Variants in CNTNAP5 observed in about 807,000 individuals in gnomAD.
CNTNAP5 encodes the protein contactin-associated protein-like 5.
Under a neutral mutation model 150.2 loss-of-function variants are expected in CNTNAP5, and 72 were observed. The ratio of observed to expected loss-of-function variants is 0.48; its 90% confidence interval spans 0.40 to 0.58. The LOEUF (loss-of-function observed/expected upper bound fraction) is 0.58, where lower values mean the gene tolerates loss of function less well. Among genes scored for constraint, CNTNAP5 ranks in the 20% least tolerant of loss-of-function variants. The pLI is 0.00. For missense variants in CNTNAP5, 1,636 were observed against 1,626.2 expected (o/e 1.01, Z -0.10); for synonymous variants, 672 against 619.8 (o/e 1.08, Z -1.25).
At chr2:124,789,852 A>T (rs754339354) in intron 17 of CNTNAP5, 50 bp from the exon 18 acceptor site, 3 of 1,574,282 alleles carry the variant, frequency 1.9e-6, no homozygotes, top group Non-Finnish European at 2.6e-6. Context: ...ACCTAAATGT[A>T]TTGAGCCCTA....
chr2:124,877,577 A>G (rs1054211207), intron 21 of CNTNAP5, among the ~76,000 whole-genome samples: 2 of 152,128 alleles, frequency 1.3e-5, no homozygotes, highest in Admixed American at 1.3e-4. Context: ...GAGCATTACT[A>G]TGGCCACACA....
At chr2:124,800,631 A>G (rs906950691) in intron 19 of CNTNAP5, among the ~76,000 whole-genome samples, 1 of 152,194 alleles carries the variant, frequency 6.6e-6, no homozygotes, top group Non-Finnish European at 1.5e-5. Flanking sequence ...AATAATGTGA[A>G]TCTATTTCAT....
intron 1 of CNTNAP5, among the ~76,000 whole-genome samples, chr2:124,100,373 C>A (rs1466613660): frequency 6.6e-6 from 1 of 152,158 alleles, no homozygotes; most frequent in Non-Finnish European, 1.5e-5. Context: ...GACAAATATA[C>A]AAACTATATC....
At position 124,524,396 on chromosome 2, in the gene CNTNAP5, C is replaced by T. The variant is rs528479875; in HGVS notation, c.1421C>T (p.Pro474Leu). The T allele has an allele frequency of 1.4e-5, 22 of 1,613,742 alleles. No homozygotes were observed. The highest frequency in any genetic ancestry group is 8.0e-5 in the African/African-American group (6 of 75,038). ...TLTLDDEAAP[P>L]APDSTWVQIY... is the part of the protein sequence containing the mutation. ...ACTCTGGATGATGAAGCAGCACCCC[C>T]GGCTCCAGACAGCACTTGGGTGCAG... The change falls in exon 9 of 24, where the codon CCG becomes CTG. Residue 474 changes from proline to leucine, a missense_variant. Physicochemically the swap from Pro to Leu is moderately conservative, Grantham distance 98. Transcript: ENST00000682447.
intron 13 of CNTNAP5, among the ~76,000 whole-genome samples, chr2:124,724,470 G>A (rs1005354999): frequency 6.6e-6 from 1 of 152,064 alleles, no homozygotes; most frequent in Non-Finnish European, 1.5e-5. Flanking sequence ...GCCCATAGAA[G>A]ATACCAAGTT....
At chr2:124,069,879 G>C (rs187082148) in intron 1 of CNTNAP5, among the ~76,000 whole-genome samples, 52 of 152,264 alleles carry the variant, frequency 3.4e-4, no homozygotes, top group Non-Finnish European at 4.0e-4. Context: ...TAAGCGCACA[G>C]AGAAACACAG....
chr2:124,425,047 A>C (rs1186715249), intron 4 of CNTNAP5, among the ~76,000 whole-genome samples: 8 of 152,346 alleles, frequency 5.3e-5, no homozygotes, highest in African/African-American at 1.9e-4. Context: ...TAGTTGGATC[A>C]ACCACTTTAT....
At chr2:124,499,149 TG>T (rs1694218801) in intron 7 of CNTNAP5, among the ~76,000 whole-genome samples, 1 of 152,090 alleles carries the variant, frequency 6.6e-6, no homozygotes, top group African/African-American at 2.4e-5. Flanking sequence ...GAGAAAGGCA[TG>T]TTTTTTTTTC....
intron 11 of CNTNAP5, among the ~76,000 whole-genome samples, chr2:124,579,306 A>G (rs1356507474): frequency 6.6e-6 from 1 of 152,208 alleles, no homozygotes; most frequent in East Asian, 1.9e-4. Context: ...TGGTTACACA[A>G]AATATTTTAT....
chr2:124,539,234 A>G (rs1052303538), intron 10 of CNTNAP5, among the ~76,000 whole-genome samples: 27 of 152,214 alleles, frequency 1.8e-4, no homozygotes, highest in Non-Finnish European at 3.4e-4. Flanking sequence ...TTACATTTTG[A>G]ATTAAGATAT....
intron 14 of CNTNAP5, among the ~76,000 whole-genome samples, chr2:124,759,934 C>T (rs530008248): frequency 3.2e-5 from 4 of 126,928 alleles, no homozygotes; most frequent in South Asian, 2.7e-4. Context: ...CTAAACTCCT[C>T]GGTCTTTTTT....
chr2:124,578,637 T>A (rs997638767), intron 11 of CNTNAP5, among the ~76,000 whole-genome samples: 15 of 152,106 alleles, frequency 9.9e-5, no homozygotes, highest in African/African-American at 3.6e-4. Context: ...CCAAGCACGG[T>A]GGTGCACGCC....
Position 124,829,428 on chromosome 2 carries a change from T to A in CNTNAP5, c.3217+31108T>A, listed in dbSNP as rs576098836. ...GCAGCATGCTTACTTTCCTATTTGT[T>A]GGAAAGCATATTTTGAATATCTTCT... On this transcript the variant is annotated intron_variant, in intron 19 of 23. Transcript: ENST00000682447. Among the ~76,000 whole-genome samples the A allele has an allele frequency of 2.6e-5, 4 of 152,314 alleles. No homozygotes were observed. In the South Asian group the frequency reaches 8.3e-4, roughly 32 times the overall value.
chr2:124,049,308 G>A (rs571348186), intron 1 of CNTNAP5, among the ~76,000 whole-genome samples: 7 of 152,116 alleles, frequency 4.6e-5, no homozygotes, highest in East Asian at 1.9e-4. Flanking sequence ...GCTGCAATAC[G>A]AATGCCTCAG....
chr2:124,423,676 T>TTTG (rs1692169048), intron 4 of CNTNAP5, among the ~76,000 whole-genome samples: 1 of 125,410 alleles, frequency 8.0e-6, no homozygotes, highest in Non-Finnish European at 1.6e-5. Flanking sequence ...TTTTTTTTTT[T>TTTG]TTTTTTGAGA....
At chr2:124,295,533 T>G (rs1206390063) in intron 3 of CNTNAP5, among the ~76,000 whole-genome samples, 1 of 152,252 alleles carries the variant, frequency 6.6e-6, no homozygotes, top group East Asian at 1.9e-4. Context: ...GAGACAAAAT[T>G]GAGTGTGGAT....
intron 6 of CNTNAP5, among the ~76,000 whole-genome samples, chr2:124,466,742 C>T (rs1326183067): frequency 6.6e-6 from 1 of 152,158 alleles, no homozygotes; most frequent in Non-Finnish European, 1.5e-5. Context: ...GAGCACATTA[C>T]CTAATGGAAG....
chr2:124,264,408 A>G (rs1687549864), intron 3 of CNTNAP5, among the ~76,000 whole-genome samples: 1 of 151,172 alleles, frequency 6.6e-6, no homozygotes, highest in African/African-American at 2.4e-5. Flanking sequence ...ACACACACAC[A>G]CACACACACA....
chr2:124,221,487 G>T lies in CNTNAP5; in HGVS notation c.83-218G>T, dbSNP rs371812691. On this transcript the variant is annotated intron_variant, in intron 1 of 23. Transcript: ENST00000682447. ...CTTGGACAATCTGCTTGACATTTTT[G>T]AACTTAATTTTCCTCATCTGTGAAA... Among the ~76,000 whole-genome samples, 6 of 152,124 alleles carry T rather than the reference G, an allele frequency of 3.9e-5. No homozygotes were observed. The East Asian group carries it at 1.2e-3, about 30-fold the overall frequency.
Sources: gnomAD v4.1 joint callset for allele counts (sites outside exome capture counted in the v4.1 genomes callset) on GRCh38, gnomAD v4.1.1 for gene constraint, MANE v1.5 for transcripts, NCBI Gene and HGNC (gene_info 2026-07-23, HGNC 2026-07-21) for gene names.